Variants in RAMAC observed in about 807,000 individuals in gnomAD.
RAMAC encodes the protein RNA guanine-N7 methyltransferase activating subunit.
Under a neutral mutation model 17.9 loss-of-function variants are expected in RAMAC, and 11 were observed. That is an observed-to-expected ratio of 0.61 (90% CI 0.39 to 1.02). The LOEUF is 1.02. RAMAC is among the 50% of genes least tolerant of loss of function. The pLI is 0.01. For missense variants in RAMAC, 109 were observed against 144.0 expected, an observed-to-expected ratio of 0.76 and a Z score of 1.25; for synonymous variants, 27 against 48.4, an observed-to-expected ratio of 0.56 and a Z score of 1.84.
Position 82,989,298 on chromosome 15 carries a change from A to T in RAMAC, c.170+110A>T, listed in dbSNP as rs2030758194. On this transcript the variant is annotated intron_variant, in intron 3 of 3. Transcript: ENST00000304191. ...GGGACCAGTGTTTTTGGTATGGCAT[A>T]CCTAGTACCTAATAACAGTACCTGG... is the stretch of plus-strand genomic sequence containing the variant. 1.5e-5 allele frequency: 15 copies of T among 970,068 alleles called. No individual in the cohort carries two copies. The South Asian group carries it at 2.7e-4, about 18-fold the overall frequency. 60.1% of individuals were successfully genotyped at this position (970,068 alleles called of 1,614,324 possible). A position where few individuals can be genotyped will look rare whatever the true frequency, so the allele number is the denominator to read the frequency against.
At chr15:82,989,597 C>T (rs987273828) in intron 3 of RAMAC, among the ~76,000 whole-genome samples, 27 of 152,032 alleles carry the variant, frequency 1.8e-4, no homozygotes, top group African/African-American at 6.0e-4. Flanking sequence ...ATTACCATAC[C>T]ATTTTTGTAC....
At position 82,990,863 on chromosome 15, in the gene RAMAC, G is replaced by A; in HGVS notation, c.*796G>A. Reference sequence around the variant, plus strand: ...GCATTTTGATGGTTCTTACTTTTTTGGTATTTAATGTGGGCTGATTTTACA... The same window carrying A: ...GCATTTTGATGGTTCTTACTTTTTTAGTATTTAATGTGGGCTGATTTTACA... On this transcript the variant is annotated 3_prime_UTR_variant, in exon 4 of 4. Transcript: ENST00000304191. 2.1e-6 allele frequency: 1 copy of A among 483,798 alleles called. No individual in the cohort carries two copies. Among genetic ancestry groups the A allele is most frequent in the Non-Finnish European group, 3.7e-6 (1 of 270,762 alleles). 30.0% of individuals were successfully genotyped at this position (483,798 alleles called of 1,614,324 possible). A position where few individuals can be genotyped will look rare whatever the true frequency, so the allele number is the denominator to read the frequency against.
At chr15:82,988,373 A>G (rs1399067589) in intron 2 of RAMAC, 4 of 166,132 alleles carry the variant, frequency 2.4e-5, no homozygotes, top group Non-Finnish European at 5.2e-5. Flanking sequence ...GTTTCTTGCA[A>G]TGCAACAATA....
chr15:82,986,431 G>A (rs2030611701), intron 1 of RAMAC, 62 bp downstream of exon 1: 1 of 152,446 alleles, frequency 6.6e-6, no homozygotes. Context: ...GGCCAGCGAG[G>A]TGTCCTCCCC....
chr15:82,987,960 G>C (rs1240889511), intron 2 of RAMAC, among the ~76,000 whole-genome samples: 2 of 149,962 alleles, frequency 1.3e-5, no homozygotes, highest in South Asian at 2.1e-4. Context: ...ACTTGAATTC[G>C]AGAGGCAGAG....
In RAMAC at chr15:82,990,021, A is replaced by G. The variant is rs373665648; in HGVS notation, c.311A>G (p.Tyr104Cys). 23 of 1,559,070 alleles carry G rather than the reference A, an allele frequency of 1.5e-5. No individual in the cohort carries two copies. The African/African-American group carries it at 2.7e-4, about 18-fold the overall frequency. The change falls in exon 4 of 4, where the codon TAT becomes TGT. Residue 104 changes from tyrosine to cysteine, a missense_variant. Tyr to Cys is a radical substitution (Grantham distance 194). Transcript: ENST00000304191. ...HRQEPYYPQQYGHYGYNQRPP... is the reference protein window; with the variant it reads ...HRQEPYYPQQCGHYGYNQRPP... The stretch of plus-strand genomic sequence containing the variant: ...CAAGAACCTTACTATCCCCAGCAAT[A>G]TGGACATTATGGTTACAACCAGCGG...
chr15:82,986,608 T>A (rs550734043), intron 1 of RAMAC, among the ~76,000 whole-genome samples: 5 of 152,302 alleles, frequency 3.3e-5, no homozygotes, highest in African/African-American at 9.6e-5. Context: ...AAAACGCAGT[T>A]GTTTTCAGTC....
intron 2 of RAMAC, among the ~76,000 whole-genome samples, chr15:82,988,154 A>G (rs2030704011): frequency 6.6e-6 from 1 of 151,390 alleles, no homozygotes; most frequent in South Asian, 2.1e-4. Context: ...GGCCAACAAA[A>G]CCCCATCTCT....
At chr15:82,988,870 A>G (rs761166620) in intron 2 of RAMAC, 140 bp from the exon 3 acceptor site, 1 of 751,640 alleles carries the variant, frequency 1.3e-6, no homozygotes, top group Non-Finnish European at 2.1e-6. Context: ...TCAATATCTA[A>G]AATATGACAT....
chr15:82,990,019 A>G lies in RAMAC; in HGVS notation c.309A>G (p.Gln103=), dbSNP rs955418748. Residue 103 remains glutamine (Q), a synonymous_variant, in exon 4 of 4, where the codon CAA becomes CAG. Coordinates refer to ENST00000304191, the MANE Select transcript of RAMAC (RefSeq NM_031452.4). ...GACAAGAACCTTACTATCCCCAGCA[A>G]TATGGACATTATGGTTACAACCAGC... ...QHRQEPYYPQ[Q]YGHYGYNQRP... 5 of 1,571,326 alleles carry G rather than the reference A, an allele frequency of 3.2e-6. No individual in the cohort carries two copies. The African/African-American group carries it at 4.3e-5, about 13-fold the overall frequency.
chr15:82,990,957 TC>T lies in RAMAC; in HGVS notation c.*892del, dbSNP rs748250172. On this transcript the variant is annotated 3_prime_UTR_variant, in exon 4 of 4. Coordinates refer to ENST00000304191, the MANE Select transcript of RAMAC (RefSeq NM_031452.4). ...CCTATAAATAGTGATGCTATAAACTTCCTTTCACAGAGATCATTCTATTTCA... is the reference window on the plus strand; with the variant it reads ...CCTATAAATAGTGATGCTATAAACTTCTTTCACAGAGATCATTCTATTTCA... 5.8e-5 allele frequency: 15 copies of T among 256,434 alleles called. No individual in the cohort carries two copies. Among genetic ancestry groups the T allele is most frequent in the Non-Finnish European group, 1.1e-4 (15 of 136,268 alleles). The allele number at this position is 256,434 out of a possible 1,614,324, so 15.9% of individuals were successfully genotyped here.
Position 82,989,203 on chromosome 15 carries a change from G to C in RAMAC, c.170+15G>C. ...AGAGGCAATCGGTGTGTATTCAAAA[G>C]AATAAATGCAGATAGTTGATCTGGC... is the stretch of plus-strand genomic sequence containing the variant. On this transcript the variant is annotated intron_variant, in intron 3 of 3. Coordinates refer to ENST00000304191, the MANE Select transcript of RAMAC (RefSeq NM_031452.4). 2 of 1,609,484 alleles carry C rather than the reference G, an allele frequency of 1.2e-6. No individual in the cohort carries two copies. The highest frequency in any genetic ancestry group is 2.2e-5 in the South Asian group (2 of 90,150).
At chr15:82,988,431 C>A (rs137975089) in intron 2 of RAMAC, 2 of 179,072 alleles carry the variant, frequency 1.1e-5, no homozygotes, top group Non-Finnish European at 2.4e-5. Context: ...ATAAATGTTA[C>A]AAATATTTGC....
intron 1 of RAMAC, among the ~76,000 whole-genome samples, 151 bp downstream of exon 1, chr15:82,986,520 G>A (rs1409888706): frequency 2.0e-5 from 3 of 152,194 alleles, no homozygotes; most frequent in Admixed American, 1.3e-4. Context: ...ACTTCTGGAG[G>A]TATAAGGTGC....
chr15:82,990,940 T>C lies in RAMAC; in HGVS notation c.*873T>C, dbSNP rs903922998. ...CCTCTGCTGCTTTCTCTCCTATAAA[T>C]AGTGATGCTATAAACTTCCTTTCAC... is the stretch of plus-strand genomic sequence containing the variant. On this transcript the variant is annotated 3_prime_UTR_variant, in exon 4 of 4. Transcript: ENST00000304191. The C allele has an allele frequency of 1.7e-5, 5 of 289,468 alleles. No homozygotes were observed. Among genetic ancestry groups the C allele is most frequent in the Admixed American group, 4.8e-5 (1 of 20,630 alleles). The allele number at this position is 289,468 out of a possible 1,614,324, so 17.9% of individuals were successfully genotyped here.
chr15:82,988,695 TG>T (rs1427035410), intron 2 of RAMAC: 1 of 454,548 alleles, frequency 2.2e-6, no homozygotes, highest in African/African-American at 2.0e-5. Context: ...TAGCCGGGTG[TG>T]GGTGGCATGC....
At chr15:82,988,639 C>G in intron 2 of RAMAC, 1 of 419,840 alleles carries the variant, frequency 2.4e-6, no homozygotes, top group Non-Finnish European at 4.7e-6. Context: ...AGACTTCCAG[C>G]CTAGGCAACA....
chr15:82,990,722 C>T lies in RAMAC; in HGVS notation c.*655C>T. The T allele has an allele frequency of 1.5e-6, 2 of 1,314,582 alleles. No individual in the cohort carries two copies. Among genetic ancestry groups the T allele is most frequent in the Non-Finnish European group, 2.1e-6 (2 of 935,240 alleles). 81.4% of individuals were successfully genotyped at this position (1,314,582 alleles called of 1,614,324 possible). ...TCTGGTGGTGGTTGGGATAAGGGTACACATCATTTTATACAAACACTAAAG... is the reference window on the plus strand; with the variant it reads ...TCTGGTGGTGGTTGGGATAAGGGTATACATCATTTTATACAAACACTAAAG... On this transcript the variant is annotated 3_prime_UTR_variant, in exon 4 of 4. Coordinates refer to ENST00000304191, the MANE Select transcript of RAMAC (RefSeq NM_031452.4).
At chr15:82,988,716 T>C (rs115868366) in intron 2 of RAMAC, 12,170 of 455,610 alleles carry the variant, frequency 0.027, 402 homozygotes, top group African/African-American at 0.12. Context: ...CACCTGTAGT[T>C]CCAGCAACTT....
Sources: gnomAD v4.1 joint callset for allele counts (sites outside exome capture counted in the v4.1 genomes callset) on GRCh38, gnomAD v4.1.1 for gene constraint, MANE v1.5 for transcripts, NCBI Gene and HGNC (gene_info 2026-07-23, HGNC 2026-07-21) for gene names.